Variants in SOX5 observed in about 807,000 individuals in gnomAD.
SOX5 encodes SRY-box transcription factor 5.
A neutral mutation model predicts 92.0 loss-of-function variants in SOX5; 9 were observed. The observed-to-expected ratio is 0.10, with a 90% confidence interval of 0.06 to 0.17. SOX5 has a LOEUF of 0.17. SOX5 is among the 10% of genes least tolerant of loss of function. SOX5 has a pLI of 1.00. For synonymous variants in SOX5, 344 were observed against 336.3 expected, an observed-to-expected ratio of 1.02 and a Z score of -0.25; for missense variants, 642 against 944.5, an observed-to-expected ratio of 0.68 and a Z score of 4.20.
intron 9 of SOX5, among the ~76,000 whole-genome samples, chr12:23,597,648 A>G (rs143078157): frequency 1.0e-3 from 154 of 152,328 alleles, no homozygotes; most frequent in African/African-American, 3.6e-3. Flanking sequence ...GATAATGATA[A>G]TGGGCTGCAT....
At chr12:24,103,483 T>A (rs1408497645) in intron 4 of SOX5, among the ~76,000 whole-genome samples, 2 of 152,078 alleles carry the variant, frequency 1.3e-5, no homozygotes, top group East Asian at 3.9e-4. Flanking sequence ...GCCTCCCAAG[T>A]AGCTAGGACT....
chr12:24,201,137 A>C (rs1565643645), intron 4 of SOX5, among the ~76,000 whole-genome samples: 2 of 152,180 alleles, frequency 1.3e-5, no homozygotes, highest in African/African-American at 2.4e-5. Context: ...GATTCTGGGC[A>C]AGTCCCAGAA....
intron 4 of SOX5, among the ~76,000 whole-genome samples, chr12:24,175,991 T>TAA (rs34722388): frequency 1.1e-3 from 166 of 149,124 alleles, no homozygotes; most frequent in Admixed American, 2.9e-3. Context: ...CAAGATCCAT[T>TAA]AAAAAAAAAA....
In SOX5 at chr12:23,739,278, C is replaced by T. The variant is rs372481814; in HGVS notation, c.741+1589G>A. 4.6e-5 allele frequency among the ~76,000 whole-genome samples: 7 copies of T among 152,212 alleles called. No homozygotes were observed. The East Asian group carries it at 7.7e-4, about 17-fold the overall frequency. On this transcript the variant is annotated intron_variant, in intron 5 of 14. Transcript: ENST00000451604. Reference sequence around the variant, plus strand: ...CTGTAAGCTGAAACTATATCACCTCCCCTCTATCTTACGTTGTATTTACTA... The same window carrying T: ...CTGTAAGCTGAAACTATATCACCTCTCCTCTATCTTACGTTGTATTTACTA...
At chr12:23,854,837 T>A (rs1444973334) in intron 2 of SOX5, among the ~76,000 whole-genome samples, 2 of 152,094 alleles carry the variant, frequency 1.3e-5, no homozygotes, top group Non-Finnish European at 2.9e-5. Context: ...AATATTAGCA[T>A]CTAATACCTC....
At chr12:24,508,508 T>C (rs1949011708) in intron 1 of SOX5, among the ~76,000 whole-genome samples, 1 of 152,160 alleles carries the variant, frequency 6.6e-6, no homozygotes, top group Non-Finnish European at 1.5e-5. Context: ...AAGTCCATGT[T>C]AAGCATGTCA....
intron 1 of SOX5, among the ~76,000 whole-genome samples, chr12:24,519,139 T>C (rs1382058316): frequency 4.6e-5 from 7 of 152,138 alleles, no homozygotes; most frequent in African/African-American, 1.7e-4. Context: ...TCTCATTAAA[T>C]CATTGTACAA....
intron 1 of SOX5, among the ~76,000 whole-genome samples, chr12:23,928,566 A>T (rs2139111073): frequency 6.6e-6 from 1 of 151,962 alleles, no homozygotes; most frequent in Admixed American, 6.6e-5. Context: ...AAATTTATTT[A>T]TTTTTAAACA....
chr12:23,740,809 T>C (rs761275340), intron 5 of SOX5, 58 bp downstream of exon 5: 5 of 1,426,744 alleles, frequency 3.5e-6, no homozygotes, highest in Non-Finnish European at 4.8e-6. Flanking sequence ...CAGTGACCTA[T>C]AAGTAGCAGG....
At chr12:24,480,361 T>G (rs1366597068) in intron 1 of SOX5, among the ~76,000 whole-genome samples, 1 of 152,118 alleles carries the variant, frequency 6.6e-6, no homozygotes, top group Non-Finnish European at 1.5e-5. Context: ...AAAAATTTCT[T>G]GAGTAATACC....
chr12:23,537,637 TATTA>T (rs1940855726), intron 13 of SOX5, among the ~76,000 whole-genome samples: 1 of 152,234 alleles, frequency 6.6e-6, no homozygotes, highest in African/African-American at 2.4e-5. Flanking sequence ...TTCTTTTCAC[TATTA>T]ATTTTGGTGT....
chr12:24,011,551 A>C (rs1006859446), intron 4 of SOX5, among the ~76,000 whole-genome samples: 2 of 152,182 alleles, frequency 1.3e-5, no homozygotes, highest in Admixed American at 6.6e-5. Context: ...TTTGTAGAGT[A>C]GGAAGAGATA....
chr12:24,056,245 G>C (rs867035032), intron 4 of SOX5, among the ~76,000 whole-genome samples: 11 of 152,152 alleles, frequency 7.2e-5, no homozygotes, highest in Middle Eastern at 3.4e-3. Context: ...GTCCAAGACC[G>C]AGAGACCCAC....
At chr12:24,234,574 C>T (rs1306669626) in intron 3 of SOX5, among the ~76,000 whole-genome samples, 3 of 152,120 alleles carry the variant, frequency 2.0e-5, no homozygotes, top group African/African-American at 7.2e-5. Context: ...GACAGGGTTT[C>T]ACCATGTTGG....
chr12:24,536,734 T>A (rs923616335), intron 1 of SOX5, among the ~76,000 whole-genome samples: 1 of 152,192 alleles, frequency 6.6e-6, no homozygotes, highest in African/African-American at 2.4e-5. Context: ...TTTTTCTAAT[T>A]TAAGCTTTGT....
intron 7 of SOX5, among the ~76,000 whole-genome samples, chr12:23,645,564 T>G (rs755010699): frequency 1.3e-5 from 2 of 152,196 alleles, no homozygotes; most frequent in Non-Finnish European, 2.9e-5. Context: ...CTCCTAAATT[T>G]AGCAAAACAC....
At chr12:23,779,814 T>TATATATATATATATATATAC (rs777013504) in intron 3 of SOX5, among the ~76,000 whole-genome samples, 3 of 110,798 alleles carry the variant, frequency 2.7e-5, no homozygotes, top group African/African-American at 1.1e-4. Flanking sequence ...TATATATATA[T>TATATATATATATATATATAC]ACACACACAC....
chr12:23,739,713 C>T (rs2093727269), intron 5 of SOX5, among the ~76,000 whole-genome samples: 2 of 152,186 alleles, frequency 1.3e-5, no homozygotes, highest in African/African-American at 2.4e-5. Context: ...TGCCACATCT[C>T]TGCATAAAAC....
At chr12:24,267,863 T>A (rs1943219387) in intron 3 of SOX5, among the ~76,000 whole-genome samples, 1 of 152,208 alleles carries the variant, frequency 6.6e-6, no homozygotes, top group African/African-American at 2.4e-5. Flanking sequence ...CTCATCTGAC[T>A]TTTAAAAAGT....
Sources: allele counts gnomAD v4.1 joint callset (sites outside exome capture counted in the v4.1 genomes callset), GRCh38; gene constraint gnomAD v4.1.1; transcripts MANE v1.5; gene names NCBI Gene and HGNC (gene_info 2026-07-23, HGNC 2026-07-21).